Variants in ELP4 observed in about 807,000 individuals in gnomAD.
ELP4 encodes elongator complex protein 4.
A neutral mutation model predicts 48.9 loss-of-function variants in ELP4; 51 were observed. The observed-to-expected ratio is 1.04, with a 90% CI of 0.83 to 1.32. The LOEUF (loss-of-function observed/expected upper bound fraction) is 1.32, where lower values mean the gene tolerates loss of function less well. Among genes scored for constraint, ELP4 ranks in the 40% most tolerant of loss-of-function variants. The pLI is 0.00. For missense variants in ELP4, 519 were observed against 514.6 expected (o/e 1.01, Z -0.08); for synonymous variants, 210 against 189.2 (o/e 1.11, Z -0.90).
intron 3 of ELP4, among the ~76,000 whole-genome samples, chr11:31,569,523 A>G (rs968308190): frequency 2.0e-5 from 3 of 152,040 alleles, no homozygotes; most frequent in Admixed American, 1.3e-4. Context: ...GGCCGAGGTG[A>G]GTGGATTACC....
chr11:31,635,094 T>C (rs548170708), intron 7 of ELP4, among the ~76,000 whole-genome samples: 1 of 152,064 alleles, frequency 6.6e-6, no homozygotes, highest in Non-Finnish European at 1.5e-5. Flanking sequence ...TAGGAGAAAA[T>C]ATAAAACTTG....
chr11:31,592,534 T>C (rs1957599597), intron 3 of ELP4, among the ~76,000 whole-genome samples: 1 of 149,098 alleles, frequency 6.7e-6, no homozygotes, highest in Admixed American at 6.7e-5. Flanking sequence ...TGTATGTATA[T>C]ATAATAAATC....
intron 9 of ELP4, among the ~76,000 whole-genome samples, chr11:31,741,204 C>T (rs1947438771): frequency 6.6e-6 from 1 of 152,124 alleles, no homozygotes; most frequent in Non-Finnish European, 1.5e-5. Flanking sequence ...GGGCGCCCGC[C>T]ATAGCCGAGT....
At chr11:31,740,592 A>G (rs1947422602) in intron 9 of ELP4, among the ~76,000 whole-genome samples, 1 of 152,248 alleles carries the variant, frequency 6.6e-6, no homozygotes, top group Non-Finnish European at 1.5e-5. Flanking sequence ...TATTAATATT[A>G]TCGAAATGTT....
At chr11:31,596,143 G>A (rs1332132888) in intron 4 of ELP4, among the ~76,000 whole-genome samples, 12 of 152,148 alleles carry the variant, frequency 7.9e-5, no homozygotes, top group African/African-American at 2.9e-4. Flanking sequence ...AGTGGCTCAC[G>A]CCTGTAATCC....
intron 9 of ELP4, among the ~76,000 whole-genome samples, chr11:31,746,526 G>A (rs1947595594): frequency 6.6e-6 from 1 of 152,154 alleles, no homozygotes; most frequent in Admixed American, 6.5e-5. Flanking sequence ...AAGAAAATGT[G>A]GCACATATAC....
chr11:31,597,207 A>G (rs1236128289), intron 4 of ELP4, among the ~76,000 whole-genome samples: 1 of 152,204 alleles, frequency 6.6e-6, no homozygotes, highest in Non-Finnish European at 1.5e-5. Context: ...AGATTTTTTT[A>G]ACAGCAAGAG....
At chr11:31,590,950 C>T (rs1326945263) in intron 3 of ELP4, among the ~76,000 whole-genome samples, 1 of 152,150 alleles carries the variant, frequency 6.6e-6, no homozygotes, top group East Asian at 1.9e-4. Flanking sequence ...TACATCCAAA[C>T]TGTATCATTG....
intron 3 of ELP4, among the ~76,000 whole-genome samples, chr11:31,582,650 C>T (rs1413107883): frequency 6.6e-6 from 1 of 152,124 alleles, no homozygotes; most frequent in East Asian, 1.9e-4. Flanking sequence ...TCTGTCCATT[C>T]ATATTCAAGA....
intron 9 of ELP4, among the ~76,000 whole-genome samples, chr11:31,655,593 C>A (rs1490662049): frequency 2.0e-5 from 3 of 151,930 alleles, no homozygotes; most frequent in African/African-American, 7.2e-5. Flanking sequence ...GGTTTGGAGG[C>A]CAGCTTAGGT....
rs992626708 is a variant in ELP4 at position 31,665,800 on chromosome 11, A to G, written c.1143+15579A>G. ...CTCCCAAGTAGCTGGGACTACAGGC[A>G]TGCGCCACCATGCCCAGCTAATTTT... On this transcript the variant is annotated intron_variant, in intron 9 of 9. Coordinates refer to ENST00000640961, the MANE Select transcript of ELP4 (RefSeq NM_019040.5). Among the ~76,000 whole-genome samples, 6 of 149,776 alleles carry G rather than the reference A, an allele frequency of 4.0e-5. No individual in the cohort carries two copies. In the East Asian group the frequency reaches 1.0e-3, roughly 25 times the overall value.
chr11:31,745,627 A>C (rs1260084958), intron 9 of ELP4, among the ~76,000 whole-genome samples: 1 of 152,230 alleles, frequency 6.6e-6, no homozygotes, highest in East Asian at 1.9e-4. Flanking sequence ...TCTGACAAAA[A>C]CAAGCAATGG....
intron 9 of ELP4, among the ~76,000 whole-genome samples, chr11:31,679,146 T>G (rs1946002794): frequency 6.6e-6 from 1 of 152,252 alleles, no homozygotes; most frequent in Non-Finnish European, 1.5e-5. Flanking sequence ...TTAGAAGTTC[T>G]TTGTATATTT....
At chr11:31,611,722 T>C (rs1957983504) in intron 5 of ELP4, among the ~76,000 whole-genome samples, 1 of 152,234 alleles carries the variant, frequency 6.6e-6, no homozygotes, top group African/African-American at 2.4e-5. Context: ...ATTATTGTAG[T>C]GAACAAAGCA....
chr11:31,632,224 A>G lies in ELP4; in HGVS notation c.746A>G (p.Gln249Arg). 6.3e-7 allele frequency: 1 copy of G among 1,597,756 alleles called. No individual in the cohort carries two copies. Among genetic ancestry groups the G allele is most frequent in the Non-Finnish European group, 8.5e-7 (1 of 1,175,316 alleles). ...GFDGSNPQKK[Q>R]RNILRIGIQN... ...TTTCCCACTTTCTTTTAGAAAAAAC[A>G]GAGAAACATTTTAAGAATAGGAATT... Residue 249 changes from glutamine to arginine, a missense_variant, in exon 7 of 10, where the codon CAG becomes CGG. By Grantham distance (43) the Gln-to-Arg change is conservative. Coordinates refer to ENST00000640961, the MANE Select transcript of ELP4 (RefSeq NM_019040.5).
At chr11:31,545,462 C>A (rs535082303) in intron 3 of ELP4, among the ~76,000 whole-genome samples, 1 of 152,124 alleles carries the variant, frequency 6.6e-6, no homozygotes, top group South Asian at 2.1e-4. Context: ...CAAACAAAGC[C>A]TCCAAGAAAT....
chr11:31,519,559 T>C (rs1956177851), intron 1 of ELP4, among the ~76,000 whole-genome samples: 1 of 152,192 alleles, frequency 6.6e-6, no homozygotes, highest in Non-Finnish European at 1.5e-5. Flanking sequence ...GCTCACTGGC[T>C]CACGCCTGTA....
intron 9 of ELP4, among the ~76,000 whole-genome samples, chr11:31,748,418 T>C (rs183423057): frequency 3.3e-5 from 5 of 152,054 alleles, no homozygotes; most frequent in Non-Finnish European, 7.4e-5. Flanking sequence ...CTAATTTTTG[T>C]ATTTTTAGTA....
At chr11:31,658,495 C>T (rs1592198160) in intron 9 of ELP4, among the ~76,000 whole-genome samples, 1 of 151,288 alleles carries the variant, frequency 6.6e-6, no homozygotes, top group Non-Finnish European at 1.5e-5. Flanking sequence ...CTCTAAAATA[C>T]TATTTACTGT....
Sources: gnomAD v4.1 joint callset for allele counts (sites outside exome capture counted in the v4.1 genomes callset) on GRCh38, gnomAD v4.1.1 for gene constraint, MANE v1.5 for transcripts, NCBI Gene and HGNC (gene_info 2026-07-23, HGNC 2026-07-21) for gene names.